The following TMEM163 variants were observed in gnomAD, a reference collection of about 807,000 sequenced individuals.
TMEM163 encodes transmembrane protein 163.
A neutral mutation model predicts 29.3 loss-of-function variants in TMEM163; 17 were observed. That is an observed-to-expected ratio of 0.58 (90% confidence interval 0.40 to 0.87). The LOEUF (loss-of-function observed/expected upper bound fraction) is 0.87, where lower values mean the gene tolerates loss of function less well. TMEM163 is among the 40% of genes least tolerant of loss of function. The pLI, the probability that TMEM163 is intolerant of heterozygous loss-of-function variation, is 0.00. For missense variants in TMEM163, 303 were observed against 381.5 expected (o/e 0.79, Z 1.71); for synonymous variants, 157 against 160.6 (o/e 0.98, Z 0.17).
chr2:134,596,922 A>G (rs1682098813), intron 2 of TMEM163, among the ~76,000 whole-genome samples: 1 of 152,110 alleles, frequency 6.6e-6, no homozygotes, highest in African/African-American at 2.4e-5. Flanking sequence ...TTTGTCTGCT[A>G]TTGGTGTATA....
At chr2:134,714,178 T>C (rs16830945) in intron 1 of TMEM163, among the ~76,000 whole-genome samples, 31,713 of 152,110 alleles carry the variant, frequency 0.21, 3,754 homozygotes, top group Middle Eastern at 0.39. Context: ...TCTTGATTTA[T>C]AGGTTTATCC....
chr2:134,456,794 G>A lies in TMEM163; in HGVS notation c.810-18C>T. 1 of 1,612,718 alleles carries A rather than the reference G, an allele frequency of 6.2e-7. No individual in the cohort carries two copies. The highest frequency in any genetic ancestry group is 8.5e-7 in the Non-Finnish European group (1 of 1,179,472). On this transcript the variant is annotated intron_variant, in intron 7 of 7. Transcript: ENST00000281924. ...TGAGGAGTCTGCAAAGACGAAGACA[G>A]ACAAGGTCACCTCCATGGCATGGGG...
chr2:134,672,640 T>A (rs964023755), intron 2 of TMEM163, among the ~76,000 whole-genome samples: 1 of 152,112 alleles, frequency 6.6e-6, no homozygotes, highest in Non-Finnish European at 1.5e-5. Context: ...GCCTCCTAAA[T>A]TGCTGAAATT....
At chr2:134,586,572 A>G (rs1386061465) in intron 2 of TMEM163, among the ~76,000 whole-genome samples, 1 of 152,192 alleles carries the variant, frequency 6.6e-6, no homozygotes, top group Non-Finnish European at 1.5e-5. Context: ...CATTAATTAC[A>G]TCTGCAACAA....
chr2:134,677,968 A>G (rs1265187061), intron 2 of TMEM163, among the ~76,000 whole-genome samples: 1 of 152,192 alleles, frequency 6.6e-6, no homozygotes, highest in East Asian at 1.9e-4. Flanking sequence ...ACGTTCCAGT[A>G]AGCCCACCCG....
At chr2:134,678,411 T>C (rs1684163784) in intron 2 of TMEM163, among the ~76,000 whole-genome samples, 1 of 152,190 alleles carries the variant, frequency 6.6e-6, no homozygotes, top group African/African-American at 2.4e-5. Context: ...TTTTCAGACT[T>C]TAGGGTTGCA....
chr2:134,691,763 C>T (rs1558993413), intron 2 of TMEM163, among the ~76,000 whole-genome samples: 2 of 152,212 alleles, frequency 1.3e-5, no homozygotes, highest in East Asian at 1.9e-4. Flanking sequence ...TAAACACCAA[C>T]TCCAATGAAC....
chr2:134,558,826 A>C (rs1366747321), intron 2 of TMEM163, among the ~76,000 whole-genome samples: 3 of 152,190 alleles, frequency 2.0e-5, no homozygotes, highest in Non-Finnish European at 4.4e-5. Flanking sequence ...CAATGCCCCC[A>C]GGCCCCGTAA....
chr2:134,497,296 G>C (rs1019865158), intron 5 of TMEM163, among the ~76,000 whole-genome samples: 4 of 152,178 alleles, frequency 2.6e-5, no homozygotes, highest in African/African-American at 9.7e-5. Context: ...ACAGAGGGTT[G>C]GTCTGGAGAT....
chr2:134,477,578 G>T (rs971395872), intron 5 of TMEM163, among the ~76,000 whole-genome samples: 18 of 152,256 alleles, frequency 1.2e-4, no homozygotes, highest in African/African-American at 4.3e-4. Context: ...GAGCACCAGT[G>T]TATAGGCTGA....
At chr2:134,482,114 T>C (rs1257261098) in intron 5 of TMEM163, among the ~76,000 whole-genome samples, 1 of 152,200 alleles carries the variant, frequency 6.6e-6, no homozygotes, top group African/African-American at 2.4e-5. Flanking sequence ...GTTTCCAACA[T>C]TGTGACATCA....
intron 2 of TMEM163, among the ~76,000 whole-genome samples, chr2:134,604,978 G>T (rs1475992284): frequency 6.6e-6 from 1 of 152,026 alleles, no homozygotes; most frequent in Non-Finnish European, 1.5e-5. Context: ...TCGGGATTTC[G>T]AGATCAGTCT....
At chr2:134,458,194 G>A (rs763011366) in intron 6 of TMEM163, 21 bp from the exon 7 acceptor site, 1 of 1,613,422 alleles carries the variant, frequency 6.2e-7, no homozygotes, top group Non-Finnish European at 8.5e-7. Flanking sequence ...AGTGGAGAGA[G>A]GCTAGATGGC....
intron 2 of TMEM163, among the ~76,000 whole-genome samples, chr2:134,631,499 G>A (rs1184029602): frequency 6.6e-6 from 1 of 152,104 alleles, no homozygotes; most frequent in Non-Finnish European, 1.5e-5. Context: ...CGTCCCCTGG[G>A]GGGTACTGCT....
chr2:134,675,008 C>T (rs1684085078), intron 2 of TMEM163, among the ~76,000 whole-genome samples: 1 of 152,224 alleles, frequency 6.6e-6, no homozygotes, highest in Non-Finnish European at 1.5e-5. Context: ...AGTGTACTCC[C>T]ATGGCAAAGC....
intron 6 of TMEM163, chr2:134,459,248 A>G (rs915719910): frequency 1.3e-5 from 2 of 152,260 alleles, no homozygotes; most frequent in African/African-American, 4.8e-5. Flanking sequence ...CAGGGATGCA[A>G]TGGCCGCTCA....
At position 134,577,315 on chromosome 2, in the gene TMEM163, C is replaced by T. The variant is rs577734302; in HGVS notation, c.323-25224G>A. On this transcript the variant is annotated intron_variant, in intron 2 of 7. Transcript: ENST00000281924. ...CTCTTCATATGGTCTTGTTCCTTCC[C>T]TCAGGAAACACCTATATCAGCCAAG... Among the ~76,000 whole-genome samples, 11 of 152,276 alleles carry T rather than the reference C, an allele frequency of 7.2e-5. No individual in the cohort carries two copies. In the South Asian group the frequency reaches 2.3e-3, roughly 32 times the overall value.
intron 2 of TMEM163, among the ~76,000 whole-genome samples, chr2:134,620,465 C>T (rs1682706359): frequency 6.6e-6 from 1 of 152,120 alleles, no homozygotes; most frequent in African/African-American, 2.4e-5. Flanking sequence ...CCATGTTGAT[C>T]AGGCTGGTCT....
In TMEM163 at chr2:134,456,374, G is replaced by A. The variant is rs999717138; in HGVS notation, c.*342C>T. 6.6e-6 allele frequency: 2 copies of A among 301,888 alleles called. No individual in the cohort carries two copies. The highest frequency in any genetic ancestry group is 2.1e-5 in the African/African-American group (1 of 46,612). The allele number at this position is 301,888 out of a possible 1,614,324, so 18.7% of individuals were successfully genotyped here. On this transcript the variant is annotated 3_prime_UTR_variant, in exon 8 of 8. Coordinates refer to ENST00000281924, the MANE Select transcript of TMEM163 (RefSeq NM_030923.5). ...AAGCTGGAGGAGGTGGGTCTGCTCA[G>A]TCCTATGCAGCGCAGGCTCAGAGCA... is the stretch of plus-strand genomic sequence containing the variant.
Sources: gnomAD v4.1 joint callset for allele counts (sites outside exome capture counted in the v4.1 genomes callset) on GRCh38, gnomAD v4.1.1 for gene constraint, MANE v1.5 for transcripts, NCBI Gene and HGNC (gene_info 2026-07-23, HGNC 2026-07-21) for gene names.